AGBL1: variants seen among roughly 807,000 people sequenced by gnomAD.
AGBL1 encodes cytosolic carboxypeptidase 4.
AGBL1 carries 130 observed loss-of-function variants against 118.9 expected under a neutral mutation model. The observed-to-expected ratio is 1.09, with a 90% CI of 0.95 to 1.26. The LOEUF (loss-of-function observed/expected upper bound fraction) is 1.26. AGBL1 is among the 50% of genes most tolerant of loss of function. AGBL1 has a pLI of 0.00. For synonymous variants in AGBL1, 555 were observed against 478.9 expected (o/e 1.16, Z -2.08); for missense variants, 1,584 against 1,298.1 (o/e 1.22, Z -3.38).
chr15:86,888,305 G>A (rs1447809167), intron 22 of AGBL1, among the ~76,000 whole-genome samples: 1 of 151,454 alleles, frequency 6.6e-6, no homozygotes, highest in African/African-American at 2.4e-5. Flanking sequence ...CTCATAGAAA[G>A]AGATTAGGCT....
intron 17 of AGBL1, among the ~76,000 whole-genome samples, chr15:86,329,487 C>A (rs2080237900): frequency 6.6e-6 from 1 of 152,072 alleles, no homozygotes; most frequent in Middle Eastern, 3.2e-3. Flanking sequence ...AGCACCCGCT[C>A]ACCTGAGTCA....
At position 86,092,611 on chromosome 15, in the gene AGBL1, G is replaced by T. The variant is rs1159591362; in HGVS notation, c.51+12588G>T. On this transcript the variant is annotated intron_variant, in intron 1 of 22. Transcript: ENST00000614907. ...TTTTGCCTCAGTCTTAGTCCATTTT[G>T]TGCTGCAGTAACAGAGTACCAAAAA... 3.0e-4 allele frequency among the ~76,000 whole-genome samples: 45 copies of T among 152,132 alleles called. 1 individual carries two copies. Among genetic ancestry groups the T allele is most frequent in the Admixed American group, 2.9e-3 (45 of 15,262 alleles).
At chr15:86,247,144 G>C (rs1390335449) in intron 6 of AGBL1, among the ~76,000 whole-genome samples, 1 of 152,136 alleles carries the variant, frequency 6.6e-6, no homozygotes, top group Non-Finnish European at 1.5e-5. Context: ...TAGATCTACA[G>C]ATCTTATTCA....
chr15:86,286,735 G>GTGTGTGTGTATATATA, intron 16 of AGBL1, among the ~76,000 whole-genome samples: 2 of 106,250 alleles, frequency 1.9e-5, no homozygotes, highest in African/African-American at 7.8e-5. Context: ...GTTTGTGTGT[G>GTGTGTGTGTATATATA]TATATATATA....
chr15:86,214,797 A>G (rs1042119966), intron 5 of AGBL1, among the ~76,000 whole-genome samples: 4 of 152,228 alleles, frequency 2.6e-5, no homozygotes, highest in East Asian at 1.9e-4. Context: ...GGGCCCTCCC[A>G]GCCTCGATTG....
At chr15:86,191,238 C>A (rs375489012) in intron 5 of AGBL1, among the ~76,000 whole-genome samples, 1 of 148,928 alleles carries the variant, frequency 6.7e-6, no homozygotes, top group East Asian at 2.0e-4. Flanking sequence ...ATCCCAGCTA[C>A]TTGGGAGGCT....
chr15:86,271,782 C>A, intron 15 of AGBL1, 76 bp downstream of exon 15: 1 of 1,346,058 alleles, frequency 7.4e-7, no homozygotes, highest in Non-Finnish European at 1.1e-6. Context: ...CCATATTGAT[C>A]TTATAAACAT....
intron 22 of AGBL1, among the ~76,000 whole-genome samples, chr15:86,846,395 T>C (rs1174353480): frequency 9.2e-5 from 14 of 152,252 alleles, no homozygotes; most frequent in Admixed American, 7.8e-4. Context: ...TCTTTTTATC[T>C]GTACATAAGG....
chr15:87,009,708 C>G (rs1227995911), intron 24 of AGBL1, among the ~76,000 whole-genome samples: 1 of 152,156 alleles, frequency 6.6e-6, no homozygotes, highest in African/African-American at 2.4e-5. Flanking sequence ...GCAGAGCTCC[C>G]CAAGGCCATG....
chr15:86,924,316 A>C (rs1258938707), intron 23 of AGBL1, among the ~76,000 whole-genome samples: 3 of 152,228 alleles, frequency 2.0e-5, no homozygotes, highest in Non-Finnish European at 4.4e-5. Flanking sequence ...GAGAATTTTT[A>C]ATCCCATTTA....
At chr15:86,437,883 C>T (rs116844699) in intron 18 of AGBL1, among the ~76,000 whole-genome samples, 7 of 152,142 alleles carry the variant, frequency 4.6e-5, no homozygotes, top group Non-Finnish European at 8.8e-5. Flanking sequence ...AGCTAAGCCT[C>T]AGTTTTCTTT....
chr15:86,145,809 C>T (rs1162479768), intron 3 of AGBL1, among the ~76,000 whole-genome samples: 1 of 152,172 alleles, frequency 6.6e-6, no homozygotes, highest in Non-Finnish European at 1.5e-5. Context: ...TCTCATGGAA[C>T]TTATGTTCAA....
chr15:87,029,712 G>A (rs1216773259), downstream of AGBL1, among the ~76,000 whole-genome samples: 2 of 151,818 alleles, frequency 1.3e-5, no homozygotes, highest in Admixed American at 6.6e-5. Context: ...TTCTATGTTT[G>A]TATTTCTCTA....
chr15:86,131,948 G>GAAA lies in AGBL1; in HGVS notation c.52-10042_52-10040dup, dbSNP rs11331970. Among the ~76,000 whole-genome samples, 281 of 132,964 alleles carry GAAA rather than the reference G, an allele frequency of 2.1e-3. 2 individuals are homozygous for GAAA. The highest frequency in any genetic ancestry group is 7.5e-3 in the African/African-American group (273 of 36,580). 87.2% of individuals were successfully genotyped at this position (132,964 alleles called of 152,430 possible). A position where few individuals can be genotyped will look rare whatever the true frequency, so the allele number is the denominator to read the frequency against. ...GGGTGACAGAGCAAGACCATGTCTCGAAAAAAAAAAAAAAAATCATAACGT... is the reference window on the plus strand; with the variant it reads ...GGGTGACAGAGCAAGACCATGTCTCGAAAAAAAAAAAAAAAAAAATCATAACGT... On this transcript the variant is annotated intron_variant, in intron 1 of 22. Transcript: ENST00000614907.
At chr15:86,953,400 A>ATTT (rs61019726) in intron 23 of AGBL1, among the ~76,000 whole-genome samples, 3 of 134,128 alleles carry the variant, frequency 2.2e-5, no homozygotes, top group Non-Finnish European at 4.8e-5. Context: ...CTGTATTTGG[A>ATTT]TTTTTTTTTT....
At chr15:86,224,150 A>G (rs2078322373) in intron 5 of AGBL1, among the ~76,000 whole-genome samples, 1 of 152,140 alleles carries the variant, frequency 6.6e-6, no homozygotes, top group South Asian at 2.1e-4. Flanking sequence ...TTTTTTTAAA[A>G]AAGCAAACAC....
chr15:86,744,623 C>T (rs1438730535), intron 22 of AGBL1, among the ~76,000 whole-genome samples: 2 of 152,128 alleles, frequency 1.3e-5, no homozygotes, highest in Non-Finnish European at 2.9e-5. Flanking sequence ...AGAAGGGAGA[C>T]ATTCACCCCC....
chr15:86,166,017 C>T (rs1248804600), intron 5 of AGBL1, among the ~76,000 whole-genome samples: 1 of 152,106 alleles, frequency 6.6e-6, no homozygotes, highest in East Asian at 1.9e-4. Flanking sequence ...TAAGGGCAAG[C>T]CATAGATATT....
chr15:86,225,435 G>T (rs2078346617), intron 6 of AGBL1, among the ~76,000 whole-genome samples: 1 of 152,156 alleles, frequency 6.6e-6, no homozygotes, highest in African/African-American at 2.4e-5. Context: ...TCTTGGGCAG[G>T]TGGAGTGCTG....
Sources: allele counts gnomAD v4.1 joint callset (sites outside exome capture counted in the v4.1 genomes callset), GRCh38; gene constraint gnomAD v4.1.1; transcripts MANE v1.5; gene names NCBI Gene and HGNC (gene_info 2026-07-23, HGNC 2026-07-21).